SLIT3: variants seen among roughly 807,000 people sequenced by gnomAD.
SLIT3 encodes the protein slit homolog 3 protein.
Under a neutral mutation model 184.0 loss-of-function variants are expected in SLIT3, and 68 were observed. That is an observed-to-expected ratio of 0.37 (90% CI 0.30 to 0.45). The LOEUF (loss-of-function observed/expected upper bound fraction) is 0.45, where lower values mean the gene tolerates loss of function less well. Among genes scored for constraint, SLIT3 ranks in the 20% least tolerant of loss-of-function variants. The pLI is 1.00. For synonymous variants in SLIT3, 831 were observed against 828.6 expected (o/e 1.00, Z -0.05); for missense variants, 1,707 against 2,026.0 (o/e 0.84, Z 3.02).
intron 4 of SLIT3, chr5:169,037,868 T>G (rs1210739173): frequency 6.6e-6 from 1 of 152,262 alleles, no homozygotes; most frequent in Non-Finnish European, 1.5e-5. Flanking sequence ...TGTGGCGCAC[T>G]GGGCCATTTA....
chr5:169,103,090 C>T (rs1344073891), intron 4 of SLIT3, among the ~76,000 whole-genome samples: 2 of 152,178 alleles, frequency 1.3e-5, no homozygotes, highest in African/African-American at 4.8e-5. Flanking sequence ...ATTGTACATG[C>T]ATTAACCCAT....
chr5:168,746,443 GGTGTGGCAGT>G (rs1763820380), intron 20 of SLIT3, among the ~76,000 whole-genome samples: 1 of 124,850 alleles, frequency 8.0e-6, no homozygotes, highest in South Asian at 2.9e-4. Context: ...TGGTGGTGTG[GGTGTGGCAGT>G]GTGTGGTGGT....
At chr5:169,260,482 A>G (rs932755524) in intron 1 of SLIT3, among the ~76,000 whole-genome samples, 2 of 152,194 alleles carry the variant, frequency 1.3e-5, no homozygotes, top group African/African-American at 4.8e-5. Flanking sequence ...CACGTTAGCT[A>G]GTTTTGCCAA....
Position 168,757,496 on chromosome 5 carries a change from G to A in SLIT3, c.1685+3366C>T, listed in dbSNP as rs561097061. Among the ~76,000 whole-genome samples the A allele has an allele frequency of 8.5e-4, 129 of 151,484 alleles. 3 individuals are homozygous for A. Among genetic ancestry groups the A allele is most frequent in the Middle Eastern group, 6.8e-3 (2 of 294 alleles). On this transcript the variant is annotated intron_variant, in intron 16 of 35. Transcript: ENST00000519560. The stretch of plus-strand genomic sequence containing the variant: ...TCCCCCAAGCTAGAGTGCAGTGGTG[G>A]GATCTCGGCTCACTGGAAGCTCCGC...
At chr5:168,881,318 C>A (rs905806) in intron 5 of SLIT3, among the ~76,000 whole-genome samples, 22,892 of 152,136 alleles carry the variant, frequency 0.15, 2,215 homozygotes, top group Admixed American at 0.23. Context: ...GGAAAAGAGA[C>A]CCTGTAAAAC....
chr5:168,764,879 ACT>A (rs1755285459), intron 14 of SLIT3, among the ~76,000 whole-genome samples: 2 of 152,134 alleles, frequency 1.3e-5, no homozygotes, highest in South Asian at 4.2e-4. Context: ...CCTTTTGGTA[ACT>A]CTGACCTGCA....
chr5:169,290,398 C>T (rs769985321), intron 1 of SLIT3, among the ~76,000 whole-genome samples: 2 of 150,980 alleles, frequency 1.3e-5, no homozygotes, highest in Non-Finnish European at 3.0e-5. Flanking sequence ...AGGGCATATA[C>T]TAGGGCACAC....
intron 5 of SLIT3, among the ~76,000 whole-genome samples, chr5:168,876,150 A>G (rs929465675): frequency 4.6e-5 from 7 of 152,058 alleles, no homozygotes; most frequent in Non-Finnish European, 7.4e-5. Flanking sequence ...ACAGGCACTC[A>G]GTTCCCCCAC....
intron 6 of SLIT3, among the ~76,000 whole-genome samples, chr5:168,828,678 G>GA (rs1037006338): frequency 8.6e-5 from 9 of 104,082 alleles, no homozygotes; most frequent in African/African-American, 2.0e-4. Context: ...AAAGAAAAAA[G>GA]AAAAAAAAAT....
chr5:169,173,470 A>G (rs1367013029), intron 4 of SLIT3, among the ~76,000 whole-genome samples: 2 of 152,178 alleles, frequency 1.3e-5, no homozygotes, highest in Admixed American at 1.3e-4. Context: ...CCATTGTCCT[A>G]TAGTTCTGCC....
At chr5:168,955,874 G>A (rs760758609) in intron 4 of SLIT3, among the ~76,000 whole-genome samples, 1 of 152,156 alleles carries the variant, frequency 6.6e-6, no homozygotes, top group Non-Finnish European at 1.5e-5. Context: ...CCCCACCAGA[G>A]TATCTCCATT....
rs1412152927 is a variant in SLIT3, at chr5:168,774,285, C to T, written c.1245G>A (p.Leu415=). 1 of 1,614,050 alleles carries T rather than the reference C, an allele frequency of 6.2e-7. No homozygotes were observed. Among genetic ancestry groups the T allele is most frequent in the Non-Finnish European group, 8.5e-7 (1 of 1,179,958 alleles). The change falls in exon 13 of 36, where the codon CTG becomes CTA. Residue 415 remains leucine (L), a synonymous_variant. Transcript: ENST00000519560. The stretch of plus-strand genomic sequence containing the variant: ...CGAAGAGCCCCTTGCTGATGGTCTG[C>T]AGCTTGTTGTCATACAGGGAGAGCA... ...LNLLSLYDNK[L]QTISKGLFAP...
intron 4 of SLIT3, chr5:169,036,269 C>T (rs1169109700): frequency 1.3e-5 from 2 of 152,192 alleles, no homozygotes; most frequent in Non-Finnish European, 2.9e-5. Flanking sequence ...GATCCAGTTA[C>T]ACCCAGCAGA....
intron 1 of SLIT3, among the ~76,000 whole-genome samples, chr5:169,290,643 C>T (rs1002140916): frequency 6.8e-6 from 1 of 147,222 alleles, no homozygotes; most frequent in African/African-American, 2.5e-5. Flanking sequence ...TATGCTAGGG[C>T]AAATGCTAGG....
chr5:168,789,517 C>G, intron 11 of SLIT3, 43 bp downstream of exon 11: 3 of 1,505,940 alleles, frequency 2.0e-6, no homozygotes, highest in Non-Finnish European at 2.8e-6. Context: ...CCTCCAGCGC[C>G]CCCCCTCCCC....
At chr5:169,231,059 T>C (rs112931667) in intron 3 of SLIT3, among the ~76,000 whole-genome samples, 5 of 152,278 alleles carry the variant, frequency 3.3e-5, no homozygotes, top group African/African-American at 7.2e-5. Context: ...CATTGTAACA[T>C]TGATTAGGAA....
chr5:169,251,434 T>C lies in SLIT3; in HGVS notation c.223A>G (p.Arg75Gly), dbSNP rs1273380257. 6.2e-7 allele frequency: 1 copy of C among 1,613,614 alleles called. No individual in the cohort carries two copies. Among genetic ancestry groups the C allele is most frequent in the South Asian group, 1.1e-5 (1 of 91,064 alleles). The change falls in exon 2 of 36, where the codon AGG becomes GGG. Residue 75 changes from arginine (R) to glycine (G), a missense_variant. Arg to Gly is a moderately radical substitution (Grantham distance 125, BLOSUM62 -2). This residue lies in a region of SLIT3 where 1,307 missense variants were observed against 1,511.6 expected (regional missense o/e 0.86). Coordinates refer to ENST00000519560, the MANE Select transcript of SLIT3 (RefSeq NM_003062.4). ...RLDLDRNNIT[R>G]ITKMDFAGLK... ...CCAGCGAAGTCCATCTTGGTGATCCTGGTGATATTATTTCTGTCCAGGTCA... is the reference window on the plus strand; with the variant it reads ...CCAGCGAAGTCCATCTTGGTGATCCCGGTGATATTATTTCTGTCCAGGTCA...
intron 4 of SLIT3, among the ~76,000 whole-genome samples, chr5:169,064,032 A>T (rs998139621): frequency 6.6e-6 from 1 of 152,248 alleles, no homozygotes; most frequent in Non-Finnish European, 1.5e-5. Flanking sequence ...TGATGTAATT[A>T]GCAGGGTAAA....
intron 4 of SLIT3, among the ~76,000 whole-genome samples, chr5:169,105,906 T>C (rs1053919785): frequency 6.6e-6 from 1 of 152,196 alleles, no homozygotes; most frequent in African/African-American, 2.4e-5. Context: ...TGAATAGTGC[T>C]GCAGTGAACA....
Sources: gnomAD v4.1 joint callset for allele counts (sites outside exome capture counted in the v4.1 genomes callset) on GRCh38, gnomAD v4.1.1 for gene constraint, gnomAD v4.1.1 regional missense constraint, MANE v1.5 for transcripts, NCBI Gene and HGNC (gene_info 2026-07-23, HGNC 2026-07-21) for gene names.